The following PDE4D variants were observed in gnomAD, a reference collection of about 807,000 sequenced individuals.
The protein encoded by PDE4D is phosphodiesterase 4D.
PDE4D carries 24 observed loss-of-function variants against 87.4 expected under a neutral mutation model. That is an observed-to-expected ratio of 0.27 (90% CI 0.20 to 0.39). The LOEUF (loss-of-function observed/expected upper bound fraction) is 0.39. Ranked by LOEUF, PDE4D falls within the 10% of genes least tolerant of loss-of-function variation. The probability of loss-of-function intolerance (pLI) is 1.00; values close to 1 mark genes in which losing one functional copy is unlikely to be tolerated. For missense variants in PDE4D, 714 were observed against 1,041.0 expected (o/e 0.69, Z 4.32); for synonymous variants, 384 against 383.2 (o/e 1.00, Z -0.02).
At chr5:60,317,034 A>G (rs1183670816) in intron 1 of PDE4D, among the ~76,000 whole-genome samples, 1 of 152,070 alleles carries the variant, frequency 6.6e-6, no homozygotes, top group Non-Finnish European at 1.5e-5. Flanking sequence ...CTCTTTTTCT[A>G]TTGATTGGAA....
intron 1 of PDE4D, among the ~76,000 whole-genome samples, chr5:59,381,688 C>T (rs1037905050): frequency 1.3e-5 from 2 of 152,090 alleles, no homozygotes; most frequent in African/African-American, 2.4e-5. Context: ...TTCTAAGTCC[C>T]TCTAATATTT....
At chr5:60,188,913 A>T (rs191529353) in intron 1 of PDE4D, among the ~76,000 whole-genome samples, 37 of 152,358 alleles carry the variant, frequency 2.4e-4, no homozygotes, top group African/African-American at 8.7e-4. Context: ...AATTATGAAC[A>T]AGTGGTAACC....
chr5:60,228,003 G>A (rs575519912), intron 1 of PDE4D, among the ~76,000 whole-genome samples: 23 of 151,596 alleles, frequency 1.5e-4, no homozygotes, highest in South Asian at 6.3e-4. Context: ...ATGCTCTCTC[G>A]CACCTCAAGG....
At chr5:59,399,537 A>C (rs1455479991) in intron 1 of PDE4D, among the ~76,000 whole-genome samples, 1 of 133,894 alleles carries the variant, frequency 7.5e-6, no homozygotes, top group Non-Finnish European at 1.7e-5. Flanking sequence ...ATATTTAGAA[A>C]GCTGAAACTG....
At chr5:60,210,596 T>C (rs1030530331) in intron 1 of PDE4D, among the ~76,000 whole-genome samples, 1 of 152,066 alleles carries the variant, frequency 6.6e-6, no homozygotes, top group Non-Finnish European at 1.5e-5. Context: ...AAAATATCTC[T>C]GAAGTAAAAA....
At chr5:59,199,392 G>A (rs749667130) in intron 2 of PDE4D, among the ~76,000 whole-genome samples, 30 of 151,866 alleles carry the variant, frequency 2.0e-4, no homozygotes, top group Admixed American at 1.8e-3. Context: ...CGCGCTGGCC[G>A]AATGGAATCT....
intron 1 of PDE4D, among the ~76,000 whole-genome samples, chr5:59,391,458 C>T (rs1387987635): frequency 6.6e-6 from 1 of 151,986 alleles, no homozygotes; most frequent in Non-Finnish European, 1.5e-5. Context: ...ACCTGTCTGT[C>T]CAAAGGATGA....
chr5:60,152,531 T>G (rs1781600471), intron 2 of PDE4D, among the ~76,000 whole-genome samples: 1 of 151,764 alleles, frequency 6.6e-6, no homozygotes, highest in Non-Finnish European at 1.5e-5. Context: ...CAGGCGCCTG[T>G]AGTCCCAGCT....
At position 58,970,765 on chromosome 5, in the gene PDE4D, A is replaced by C. The variant is rs1742466311; in HGVS notation, c.*3899T>G. The C allele has an allele frequency of 6.6e-6, 1 of 152,140 alleles. No homozygotes were observed. The highest frequency in any genetic ancestry group is 2.1e-4 in the South Asian group (1 of 4,824). 9.4% of individuals were successfully genotyped at this position (152,140 alleles called of 1,614,324 possible). A position where few individuals can be genotyped will look rare whatever the true frequency, so the allele number is the denominator to read the frequency against. On this transcript the variant is annotated 3_prime_UTR_variant, in exon 15 of 15. Coordinates refer to ENST00000340635, the MANE Select transcript of PDE4D (RefSeq NM_001104631.2). ...ATGTCAGGAAGCTGATGAATAGATA[A>C]CCAACACGAGTAAACTCTGGCTCCA...
rs1364137465 is a variant in PDE4D at position 59,397,438 on chromosome 5, G to A, written c.456-181470C>T. 6.8e-5 allele frequency among the ~76,000 whole-genome samples: 8 copies of A among 117,930 alleles called. 1 individual carries two copies. Among genetic ancestry groups the A allele is most frequent in the East Asian group, 2.7e-4 (1 of 3,692 alleles). 77.4% of individuals were successfully genotyped at this position (117,930 alleles called of 152,430 possible). A position where few individuals can be genotyped will look rare whatever the true frequency, so the allele number is the denominator to read the frequency against. ...AGGATTAAGAATCTCACTCAAAACCGCTCAACTACATGGAAACCGAACAAC... is the reference window on the plus strand; with the variant it reads ...AGGATTAAGAATCTCACTCAAAACCACTCAACTACATGGAAACCGAACAAC... On this transcript the variant is annotated intron_variant, in intron 1 of 14. Coordinates refer to ENST00000340635, the MANE Select transcript of PDE4D (RefSeq NM_001104631.2).
chr5:60,353,416 G>C (rs973486421), intron 1 of PDE4D, among the ~76,000 whole-genome samples: 1 of 152,278 alleles, frequency 6.6e-6, no homozygotes, highest in East Asian at 1.9e-4. Context: ...AATGGGCCCT[G>C]GACTTGTGCC....
intron 1 of PDE4D, among the ~76,000 whole-genome samples, chr5:60,228,635 T>C (rs111930630): frequency 0.015 from 2,231 of 152,126 alleles, 24 homozygotes; most frequent in Middle Eastern, 0.034. Flanking sequence ...AATTCTGGGT[T>C]TAAGGATTAA....
At chr5:60,220,034 C>T (rs1182520797) in intron 1 of PDE4D, among the ~76,000 whole-genome samples, 1 of 152,122 alleles carries the variant, frequency 6.6e-6, no homozygotes. Flanking sequence ...TCAGAATTAT[C>T]TTGATTAGGA....
At chr5:59,198,949 G>C (rs886847719) in intron 2 of PDE4D, among the ~76,000 whole-genome samples, 1 of 152,088 alleles carries the variant, frequency 6.6e-6, no homozygotes, top group Non-Finnish European at 1.5e-5. Flanking sequence ...ACCAACATCA[G>C]CACCTGAAAA....
chr5:60,048,462 G>A lies in PDE4D; in HGVS notation c.43-59745C>T, dbSNP rs142682041. Among the ~76,000 whole-genome samples the A allele has an allele frequency of 9.1e-4, 139 of 152,156 alleles. 1 individual carries two copies. Among genetic ancestry groups the A allele is most frequent in the African/African-American group, 2.8e-3 (118 of 41,514 alleles). On this transcript the variant is annotated intron_variant, in intron 2 of 16. Transcript: ENST00000502484. ...ATCGATGCAGTTTCTTCCTAGTCTCGATGGTCTTTACATTTTGGCATGATT... is the reference window on the plus strand; with the variant it reads ...ATCGATGCAGTTTCTTCCTAGTCTCAATGGTCTTTACATTTTGGCATGATT...
At chr5:59,114,822 G>A (rs570279798) in intron 5 of PDE4D, among the ~76,000 whole-genome samples, 5 of 151,938 alleles carry the variant, frequency 3.3e-5, no homozygotes, top group African/African-American at 1.2e-4. Context: ...AGGAACTACA[G>A]CAGTAGTTGC....
intron 6 of PDE4D, among the ~76,000 whole-genome samples, chr5:59,021,199 A>G (rs993714867): frequency 3.3e-5 from 5 of 152,216 alleles, no homozygotes; most frequent in Admixed American, 6.5e-5. Flanking sequence ...CTCAACTTCA[A>G]TAAGAGTCTT....
intron 1 of PDE4D, among the ~76,000 whole-genome samples, chr5:59,880,308 G>A (rs767002563): frequency 2.0e-5 from 3 of 151,858 alleles, no homozygotes; most frequent in Non-Finnish European, 2.9e-5. Context: ...CAGGGTTTTG[G>A]TCTGTTGTCC....
intron 5 of PDE4D, among the ~76,000 whole-genome samples, chr5:59,080,221 T>C (rs1019730665): frequency 1.3e-5 from 2 of 152,174 alleles, no homozygotes; most frequent in East Asian, 1.9e-4. Flanking sequence ...AGTAAGACAG[T>C]AGTTGCACAT....
Sources: gnomAD v4.1 joint callset for allele counts (sites outside exome capture counted in the v4.1 genomes callset) on GRCh38, gnomAD v4.1.1 for gene constraint, MANE v1.5 for transcripts, NCBI Gene and HGNC (gene_info 2026-07-23, HGNC 2026-07-21) for gene names.